The following RSRC1 variants were observed in gnomAD, a reference collection of about 807,000 sequenced individuals.
The protein encoded by RSRC1 is serine/Arginine-related protein 53.
A neutral mutation model predicts 49.1 loss-of-function variants in RSRC1; 39 were observed. That is an observed-to-expected ratio of 0.79 (90% CI 0.61 to 1.04). RSRC1 has a LOEUF of 1.04. RSRC1 is among the 50% of genes least tolerant of loss of function. RSRC1 has a pLI of 0.00. For synonymous variants in RSRC1, 143 were observed against 130.8 expected, an observed-to-expected ratio of 1.09 and a Z score of -0.63; for missense variants, 388 against 402.4, an observed-to-expected ratio of 0.96 and a Z score of 0.31.
At chr3:158,226,753 C>T (rs1044762959) in intron 4 of RSRC1, among the ~76,000 whole-genome samples, 1 of 151,890 alleles carries the variant, frequency 6.6e-6, no homozygotes, top group African/African-American at 2.4e-5. Flanking sequence ...TGCCCTTTTA[C>T]CTTCCCTCCC....
intron 7 of RSRC1, among the ~76,000 whole-genome samples, chr3:158,493,491 T>A (rs1739179275): frequency 6.6e-6 from 1 of 152,192 alleles, no homozygotes; most frequent in African/African-American, 2.4e-5. Flanking sequence ...TTTAAAGAAA[T>A]GCTCTATACC....
intron 7 of RSRC1, among the ~76,000 whole-genome samples, chr3:158,522,095 T>C (rs945387185): frequency 6.6e-6 from 1 of 152,112 alleles, no homozygotes; most frequent in Non-Finnish European, 1.5e-5. Flanking sequence ...ATTTTTTAAA[T>C]GAAATAATTA....
chr3:158,250,633 C>G (rs1724155663), intron 4 of RSRC1, among the ~76,000 whole-genome samples: 1 of 152,190 alleles, frequency 6.6e-6, no homozygotes, highest in South Asian at 2.1e-4. Flanking sequence ...AACATCCATT[C>G]AAGTCTTTTG....
chr3:158,266,922 C>G (rs1302023681), intron 4 of RSRC1, among the ~76,000 whole-genome samples: 2 of 152,040 alleles, frequency 1.3e-5, no homozygotes, highest in Non-Finnish European at 2.9e-5. Context: ...CACCATTGTA[C>G]CCAGCTAATT....
At chr3:158,181,778 GA>G (rs1458409580) in intron 3 of RSRC1, among the ~76,000 whole-genome samples, 1 of 152,076 alleles carries the variant, frequency 6.6e-6, no homozygotes, top group Non-Finnish European at 1.5e-5. Flanking sequence ...AGTTTATTAA[GA>G]AAAATATTAA....
chr3:158,506,617 A>C (rs1356662873), intron 7 of RSRC1, among the ~76,000 whole-genome samples: 9 of 151,848 alleles, frequency 5.9e-5, no homozygotes, highest in Non-Finnish European at 1.5e-5. Flanking sequence ...TTAAAACCAC[A>C]GTGAGATATC....
At chr3:158,264,832 T>C (rs1439700840) in intron 4 of RSRC1, among the ~76,000 whole-genome samples, 1 of 152,220 alleles carries the variant, frequency 6.6e-6, no homozygotes, top group Non-Finnish European at 1.5e-5. Context: ...CCTTATGAGT[T>C]ATGAGTTTTT....
chr3:158,256,556 T>C lies in RSRC1; in HGVS notation c.495-41483T>C, dbSNP rs188918451. Among the ~76,000 whole-genome samples the C allele has an allele frequency of 3.9e-5, 6 of 152,238 alleles. 1 individual carries two copies. In the East Asian group the frequency reaches 1.2e-3, roughly 29 times the overall value. Reference sequence around the variant, plus strand: ...TTGTTGTTGTTGTGTCTCTGCTAGGTTTTGGTATCAGGATGATGCTGGCCT... The same window carrying C: ...TTGTTGTTGTTGTGTCTCTGCTAGGCTTTGGTATCAGGATGATGCTGGCCT... On this transcript the variant is annotated intron_variant, in intron 4 of 9. Transcript: ENST00000611884.
chr3:158,525,558 T>C (rs1157840167), intron 7 of RSRC1, among the ~76,000 whole-genome samples: 1 of 151,954 alleles, frequency 6.6e-6, no homozygotes, highest in Non-Finnish European at 1.5e-5. Flanking sequence ...AGGGCAGTAT[T>C]TACTATCCAA....
intron 4 of RSRC1, among the ~76,000 whole-genome samples, chr3:158,234,433 A>G (rs1185394681): frequency 6.6e-6 from 1 of 152,114 alleles, no homozygotes; most frequent in Non-Finnish European, 1.5e-5. Flanking sequence ...ATTATTTAGA[A>G]CTTCTTTAGT....
chr3:158,390,951 A>G (rs1407884092), intron 6 of RSRC1, among the ~76,000 whole-genome samples: 1 of 152,104 alleles, frequency 6.6e-6, no homozygotes, highest in African/African-American at 2.4e-5. Flanking sequence ...ATGACTCTCC[A>G]AAATTACTTA....
At chr3:158,413,967 C>A (rs938143155) in intron 6 of RSRC1, among the ~76,000 whole-genome samples, 1 of 152,112 alleles carries the variant, frequency 6.6e-6, no homozygotes, top group African/African-American at 2.4e-5. Flanking sequence ...ACATTTGAAC[C>A]AGCAATTCCA....
intron 5 of RSRC1, among the ~76,000 whole-genome samples, chr3:158,315,991 G>A (rs1728406759): frequency 1.3e-5 from 2 of 151,942 alleles, no homozygotes; most frequent in Admixed American, 6.6e-5. Context: ...GGCCAACATG[G>A]TGAAACCCCG....
At chr3:158,204,994 A>G (rs1721267810) in intron 4 of RSRC1, among the ~76,000 whole-genome samples, 1 of 152,198 alleles carries the variant, frequency 6.6e-6, no homozygotes, top group Admixed American at 6.6e-5. Context: ...AGCCAGCTTT[A>G]CAGGTTAGAC....
intron 7 of RSRC1, among the ~76,000 whole-genome samples, chr3:158,464,159 A>G (rs1000032029): frequency 6.6e-6 from 1 of 152,166 alleles, no homozygotes; most frequent in East Asian, 1.9e-4. Context: ...TGTTCTAACT[A>G]TACTTTTAAA....
intron 7 of RSRC1, among the ~76,000 whole-genome samples, chr3:158,531,483 ATATAG>A (rs1458474269): frequency 6.6e-6 from 1 of 152,032 alleles, no homozygotes; most frequent in East Asian, 1.9e-4. Context: ...ACTTAATCTG[ATATAG>A]TAAGCAGTTT....
At chr3:158,151,652 G>A (rs564410134) in intron 3 of RSRC1, among the ~76,000 whole-genome samples, 1 of 152,194 alleles carries the variant, frequency 6.6e-6, no homozygotes, top group South Asian at 2.1e-4. Context: ...TGTGCTGCGC[G>A]GTGTGAATGC....
intron 7 of RSRC1, among the ~76,000 whole-genome samples, chr3:158,507,946 G>A (rs1003069128): frequency 3.3e-5 from 5 of 152,010 alleles, no homozygotes; most frequent in African/African-American, 4.8e-5. Context: ...GGGGGCACAC[G>A]CCTGCAATCC....
rs145819156 is a variant in RSRC1 at position 158,384,248 on chromosome 3, T to C, written c.583+29340T>C. On this transcript the variant is annotated intron_variant, in intron 6 of 9. Coordinates refer to ENST00000611884, the MANE Select transcript of RSRC1 (RefSeq NM_001271838.2). ...TCCATCAGTAGGGTACGATCTAAGA[T>C]TGCAAGTACACAGTCAAAAACAGAA... Among the ~76,000 whole-genome samples, 332 of 152,192 alleles carry C rather than the reference T, an allele frequency of 2.2e-3. 1 individual carries two copies. Among genetic ancestry groups the C allele is most frequent in the Admixed American group, 3.7e-3 (56 of 15,268 alleles).
Sources: gnomAD v4.1 joint callset for allele counts (sites outside exome capture counted in the v4.1 genomes callset) on GRCh38, gnomAD v4.1.1 for gene constraint, MANE v1.5 for transcripts, NCBI Gene and HGNC (gene_info 2026-07-23, HGNC 2026-07-21) for gene names.